ZNF423: variants seen among roughly 807,000 people sequenced by gnomAD.
The protein encoded by ZNF423 is Ebf-associated zinc finger protein.
A neutral mutation model predicts 95.8 loss-of-function variants in ZNF423; 12 were observed. The ratio of observed to expected loss-of-function variants is 0.13; its 90% CI spans 0.08 to 0.20. ZNF423 has a LOEUF of 0.20. Ranked by LOEUF, ZNF423 falls within the 10% of genes least tolerant of loss-of-function variation. ZNF423 has a pLI of 1.00. For missense variants in ZNF423, 1,316 were observed against 1,737.1 expected, an observed-to-expected ratio of 0.76 and a Z score of 4.31; for synonymous variants, 749 against 711.9, an observed-to-expected ratio of 1.05 and a Z score of -0.83.
intron 5 of ZNF423, among the ~76,000 whole-genome samples, chr16:49,619,585 GA>G (rs34942993): frequency 6.8e-5 from 10 of 147,664 alleles, no homozygotes; most frequent in East Asian, 4.0e-4. Context: ...GTTTGGCAAC[GA>G]AAAAAAAAAG....
intron 1 of ZNF423, among the ~76,000 whole-genome samples, chr16:49,802,497 A>G (rs1266732694): frequency 6.6e-6 from 1 of 152,204 alleles, no homozygotes; most frequent in Non-Finnish European, 1.5e-5. Context: ...CCCCCACTGC[A>G]GCCAACATCA....
intron 4 of ZNF423, among the ~76,000 whole-genome samples, chr16:49,627,041 C>G: frequency 9.8e-6 from 1 of 101,706 alleles, no homozygotes; most frequent in East Asian, 3.4e-4. Context: ...ACATATACAC[C>G]CACCAATAGA....
At position 49,488,092 on chromosome 16, in the gene ZNF423, G is replaced by T. The variant is rs1488539067; in HGVS notation, c.*3183C>A. 1 of 152,204 alleles carries T rather than the reference G, an allele frequency of 6.6e-6. No individual in the cohort carries two copies. Among genetic ancestry groups the T allele is most frequent in the Non-Finnish European group, 1.5e-5 (1 of 68,056 alleles). 9.4% of individuals were successfully genotyped at this position (152,204 alleles called of 1,614,324 possible). A position where few individuals can be genotyped will look rare whatever the true frequency, so the allele number is the denominator to read the frequency against. On this transcript the variant is annotated 3_prime_UTR_variant, in exon 8 of 8. Coordinates refer to ENST00000563137, the MANE Select transcript of ZNF423 (RefSeq NM_001379286.1). ...CCTGGGGGCAGCTCAGTAAATACTT[G>T]CTGAATGGATGAGTAGAGGAAGGGA...
chr16:49,661,822 T>A (rs1172656201), intron 3 of ZNF423, among the ~76,000 whole-genome samples: 1 of 152,138 alleles, frequency 6.6e-6, no homozygotes, highest in Non-Finnish European at 1.5e-5. Flanking sequence ...TCCGTTCAAA[T>A]CTCAGCTCTA....
intron 2 of ZNF423, among the ~76,000 whole-genome samples, chr16:49,784,860 G>A (rs1486395449): frequency 2.0e-5 from 3 of 151,316 alleles, no homozygotes; most frequent in East Asian, 2.0e-4. Flanking sequence ...TGAGGCAGGA[G>A]AATCGCTTGA....
intron 1 of ZNF423, among the ~76,000 whole-genome samples, chr16:49,837,794 T>G (rs1208405154): frequency 6.6e-6 from 1 of 152,080 alleles, no homozygotes; most frequent in Non-Finnish European, 1.5e-5. Flanking sequence ...AGTGAATGAG[T>G]TCAGAGCCAG....
chr16:49,625,087 A>T (rs1972212568), intron 5 of ZNF423, among the ~76,000 whole-genome samples: 1 of 152,244 alleles, frequency 6.6e-6, no homozygotes, highest in Non-Finnish European at 1.5e-5. Context: ...TGAAGTAAAG[A>T]AGTAGTTCAG....
chr16:49,543,442 T>C (rs1969324100), intron 5 of ZNF423, among the ~76,000 whole-genome samples: 1 of 152,150 alleles, frequency 6.6e-6, no homozygotes, highest in Non-Finnish European at 1.5e-5. Context: ...TGAGGCTCAA[T>C]TCAGCGCTCC....
rs534101609 is a variant in ZNF423, at chr16:49,542,747, C to T, written c.3602-17253G>A. ...TGGGGAGGAGGCAGCTCCACAGGCT[C>T]ACCCGGCCAGATGCCGCCTGCCCAG... is the stretch of plus-strand genomic sequence containing the variant. On this transcript the variant is annotated intron_variant, in intron 5 of 7. Transcript: ENST00000563137. 4.6e-5 allele frequency among the ~76,000 whole-genome samples: 7 copies of T among 152,348 alleles called. No homozygotes were observed. The East Asian group carries it at 9.7e-4, about 21-fold the overall frequency.
Position 49,624,991 on chromosome 16 carries a change from G to A in ZNF423, c.3601+1179C>T, listed in dbSNP as rs185860376. Among the ~76,000 whole-genome samples the A allele has an allele frequency of 2.0e-3, 302 of 152,338 alleles. 1 individual carries two copies. Among genetic ancestry groups the A allele is most frequent in the African/African-American group, 6.9e-3 (287 of 41,580 alleles). Reference sequence around the variant, plus strand: ...CTTATGAGAAGTTTTCTAAATGTACGCAGTAAAGGGTTTTGTAAACCAGTA... The same window carrying A: ...CTTATGAGAAGTTTTCTAAATGTACACAGTAAAGGGTTTTGTAAACCAGTA... On this transcript the variant is annotated intron_variant, in intron 5 of 7. Coordinates refer to ENST00000563137, the MANE Select transcript of ZNF423 (RefSeq NM_001379286.1).
intron 3 of ZNF423, among the ~76,000 whole-genome samples, chr16:49,674,300 AAGTGTCACCG>A (rs1480756659): frequency 6.6e-6 from 1 of 152,134 alleles, no homozygotes; most frequent in African/African-American, 2.4e-5. Flanking sequence ...CTCCTAAAGC[AAGTGTCACCG>A]AGTGCCTAAG....
At chr16:49,827,341 A>G (rs2035015518) in intron 1 of ZNF423, among the ~76,000 whole-genome samples, 1 of 151,916 alleles carries the variant, frequency 6.6e-6, no homozygotes, top group South Asian at 2.1e-4. Flanking sequence ...GTCTCTGACA[A>G]ACTGTATACA....
intron 7 of ZNF423, among the ~76,000 whole-genome samples, chr16:49,496,888 C>T (rs1967184087): frequency 6.6e-6 from 1 of 152,212 alleles, no homozygotes; most frequent in Admixed American, 6.5e-5. Flanking sequence ...TTGGGGCTTA[C>T]AGTGAGGGCC....
At chr16:49,557,282 T>A (rs569757350) in intron 5 of ZNF423, among the ~76,000 whole-genome samples, 1 of 152,248 alleles carries the variant, frequency 6.6e-6, no homozygotes, top group African/African-American at 2.4e-5. Context: ...CCCTTCTGCA[T>A]ACAAATGAGC....
At chr16:49,813,931 G>A (rs900727521) in intron 1 of ZNF423, among the ~76,000 whole-genome samples, 16 of 152,212 alleles carry the variant, frequency 1.1e-4, no homozygotes, top group African/African-American at 1.7e-4. Flanking sequence ...TTGGAGAACC[G>A]GGAGGCCCCA....
At chr16:49,497,538 C>T (rs1967211703) in intron 7 of ZNF423, among the ~76,000 whole-genome samples, 1 of 152,188 alleles carries the variant, frequency 6.6e-6, no homozygotes, top group Non-Finnish European at 1.5e-5. Context: ...CAGAGCATCC[C>T]ACCCTGCTCT....
At chr16:49,840,794 G>A (rs12446455) in intron 1 of ZNF423, among the ~76,000 whole-genome samples, 20,614 of 151,912 alleles carry the variant, frequency 0.14, 1,694 homozygotes, top group East Asian at 0.23. Context: ...TCAGACACAC[G>A]CACAGTCATG....
At chr16:49,810,925 G>A (rs1218164829) in intron 1 of ZNF423, among the ~76,000 whole-genome samples, 2 of 152,176 alleles carry the variant, frequency 1.3e-5, no homozygotes, top group African/African-American at 2.4e-5. Flanking sequence ...AAGTTCACGG[G>A]CCCACGAGGA....
intron 1 of ZNF423, among the ~76,000 whole-genome samples, chr16:49,798,854 C>T (rs1355123614): frequency 6.6e-6 from 1 of 152,188 alleles, no homozygotes; most frequent in Non-Finnish European, 1.5e-5. Context: ...AAAGCCTAAA[C>T]CTTGCTTAGC....
Sources: allele counts gnomAD v4.1 joint callset (sites outside exome capture counted in the v4.1 genomes callset), GRCh38; gene constraint gnomAD v4.1.1; transcripts MANE v1.5; gene names NCBI Gene and HGNC (gene_info 2026-07-23, HGNC 2026-07-21).